The following IL1RAP variants were observed in gnomAD, a reference collection of about 807,000 sequenced individuals.
The protein encoded by IL1RAP is interleukin-1 receptor accessory protein.
Under a neutral mutation model 60.7 loss-of-function variants are expected in IL1RAP, and 35 were observed. The observed-to-expected ratio is 0.58, with a 90% CI of 0.44 to 0.76. The LOEUF (loss-of-function observed/expected upper bound fraction) is 0.76. IL1RAP is among the 30% of genes least tolerant of loss of function. The pLI, the probability that IL1RAP is intolerant of heterozygous loss-of-function variation, is 0.00. For synonymous variants in IL1RAP, 268 were observed against 250.9 expected (o/e 1.07, Z -0.64); for missense variants, 572 against 693.9 (o/e 0.82, Z 1.97).
At chr3:190,641,481 C>T (rs547687844) in intron 9 of IL1RAP, among the ~76,000 whole-genome samples, 149 of 152,218 alleles carry the variant, frequency 9.8e-4, no homozygotes, top group South Asian at 3.1e-3. Context: ...GAGTTCGATA[C>T]GTTAAGTAGC....
intron 3 of IL1RAP, among the ~76,000 whole-genome samples, chr3:190,570,719 C>G (rs894306284): frequency 6.6e-6 from 1 of 152,230 alleles, no homozygotes; most frequent in South Asian, 2.1e-4. Flanking sequence ...GCATTTGCCA[C>G]CATGCCCAAC....
intron 3 of IL1RAP, among the ~76,000 whole-genome samples, chr3:190,575,281 G>A (rs1727339932): frequency 6.6e-6 from 1 of 152,142 alleles, no homozygotes; most frequent in African/African-American, 2.4e-5. Context: ...CATCTGTAGT[G>A]TGTATGTGCT....
intron 3 of IL1RAP, among the ~76,000 whole-genome samples, chr3:190,593,795 G>A (rs1177967174): frequency 1.3e-5 from 2 of 152,064 alleles, no homozygotes; most frequent in Admixed American, 6.6e-5. Flanking sequence ...AGATTTGGGT[G>A]GGGACACAGT....
At chr3:190,645,312 G>A (rs1025395739) in intron 10 of IL1RAP, among the ~76,000 whole-genome samples, 1 of 152,170 alleles carries the variant, frequency 6.6e-6, no homozygotes, top group Non-Finnish European at 1.5e-5. Context: ...AATTCAGGCA[G>A]TTTCACAAGG....
chr3:190,520,086 T>C (rs981274346), intron 1 of IL1RAP, among the ~76,000 whole-genome samples: 5 of 152,112 alleles, frequency 3.3e-5, no homozygotes, highest in African/African-American at 1.2e-4. Flanking sequence ...GTATATTGAG[T>C]AGATGCCCCA....
chr3:190,531,214 G>C (rs766134790), intron 1 of IL1RAP, among the ~76,000 whole-genome samples: 1 of 151,964 alleles, frequency 6.6e-6, no homozygotes, highest in Non-Finnish European at 1.5e-5. Flanking sequence ...CTGTGCCACC[G>C]TACTCTAGCC....
chr3:190,585,218 T>G (rs1412403703), intron 3 of IL1RAP, among the ~76,000 whole-genome samples: 1 of 152,058 alleles, frequency 6.6e-6, no homozygotes, highest in Non-Finnish European at 1.5e-5. Context: ...CATTAGGGGA[T>G]GAAAAAGGGG....
chr3:190,535,026 C>A (rs774192253), intron 1 of IL1RAP, among the ~76,000 whole-genome samples: 3 of 151,972 alleles, frequency 2.0e-5, no homozygotes, highest in Admixed American at 1.3e-4. Flanking sequence ...ACAAAGGTCC[C>A]AAATATAGGA....
Position 190,645,218 on chromosome 3 carries a change from A to G in IL1RAP, c.1202-481A>G, listed in dbSNP as rs1008003790. Among the ~76,000 whole-genome samples the G allele has an allele frequency of 5.9e-5, 9 of 152,352 alleles. No individual in the cohort carries two copies. The East Asian group carries it at 1.7e-3, about 29-fold the overall frequency. On this transcript the variant is annotated intron_variant, in intron 10 of 11. Coordinates refer to ENST00000447382, the MANE Select transcript of IL1RAP (RefSeq NM_002182.4). ...AATCGATAGTTTTTAATGAGATGTGATTTTTCTAATTAAGCAACTTCGTGA... is the reference window on the plus strand; with the variant it reads ...AATCGATAGTTTTTAATGAGATGTGGTTTTTCTAATTAAGCAACTTCGTGA...
At chr3:190,553,920 G>GCGTA (rs1725134637) in intron 1 of IL1RAP, among the ~76,000 whole-genome samples, 1 of 151,618 alleles carries the variant, frequency 6.6e-6, no homozygotes, top group Non-Finnish European at 1.5e-5. Context: ...AATTAGCCGG[G>GCGTA]CGTAGTGGCG....
At chr3:190,573,064 C>T (rs574039385) in intron 3 of IL1RAP, among the ~76,000 whole-genome samples, 1 of 41,038 alleles carries the variant, frequency 2.4e-5, no homozygotes, top group Non-Finnish European at 6.0e-5. Context: ...GGGGTTTCAC[C>T]GTTTTAGCCG....
intron 1 of IL1RAP, chr3:190,518,045 C>T (rs950192592): frequency 2.7e-5 from 4 of 148,922 alleles, no homozygotes; most frequent in African/African-American, 4.9e-5. Context: ...AGTGATATTT[C>T]GGTGGATAAA....
At chr3:190,574,667 A>G (rs1189836252) in intron 3 of IL1RAP, among the ~76,000 whole-genome samples, 1 of 152,162 alleles carries the variant, frequency 6.6e-6, no homozygotes, top group African/African-American at 2.4e-5. Context: ...CAGTTTACAA[A>G]TGCCAGTTCT....
chr3:190,546,562 TA>T (rs1361050677), intron 1 of IL1RAP, among the ~76,000 whole-genome samples: 3 of 152,240 alleles, frequency 2.0e-5, no homozygotes, highest in African/African-American at 7.2e-5. Flanking sequence ...GATACACTTT[TA>T]GGTATTTTAT....
intron 1 of IL1RAP, among the ~76,000 whole-genome samples, chr3:190,531,208 G>A (rs1475012112): frequency 5.9e-5 from 9 of 152,046 alleles, no homozygotes; most frequent in African/African-American, 2.2e-4. Flanking sequence ...TCTGGACTGT[G>A]CCACCGTACT....
chr3:190,620,164 G>T (rs971411076), intron 5 of IL1RAP, 111 bp from the exon 6 acceptor site: 4 of 554,854 alleles, frequency 7.2e-6, no homozygotes. Context: ...AAAAACTGCA[G>T]CATGAATATT....
intron 9 of IL1RAP, among the ~76,000 whole-genome samples, chr3:190,630,579 A>C (rs959746927): frequency 1.3e-5 from 2 of 152,234 alleles, no homozygotes; most frequent in Non-Finnish European, 2.9e-5. Flanking sequence ...TTTAAAACTA[A>C]ATAGCAAAGG....
At chr3:190,615,351 A>G (rs1367902251) in intron 5 of IL1RAP, 1 of 1,227,746 alleles carries the variant, frequency 8.1e-7, no homozygotes, top group Admixed American at 2.5e-5. Flanking sequence ...AAGTAAAGAC[A>G]CAGGTAATGC....
At chr3:190,630,942 A>G (rs367869838) in intron 9 of IL1RAP, among the ~76,000 whole-genome samples, 1 of 152,220 alleles carries the variant, frequency 6.6e-6, no homozygotes, top group Non-Finnish European at 1.5e-5. Context: ...ATATATACCT[A>G]TATATGAAAT....
Sources: gnomAD v4.1 joint callset for allele counts (sites outside exome capture counted in the v4.1 genomes callset) on GRCh38, gnomAD v4.1.1 for gene constraint, MANE v1.5 for transcripts, NCBI Gene and HGNC (gene_info 2026-07-23, HGNC 2026-07-21) for gene names.